The following UCHL5 variants were observed in gnomAD, a reference collection of about 807,000 sequenced individuals.
UCHL5 encodes the protein ubiquitin C-terminal hydrolase L5, also known as ubiquitin carboxyl-terminal hydrolase isozyme L5.
In UCHL5, 34 loss-of-function variants were observed where a neutral mutation model predicts 53.8. The ratio of observed to expected loss-of-function variants is 0.63; its 90% CI spans 0.48 to 0.84. UCHL5 has a LOEUF of 0.84. Ranked by LOEUF, UCHL5 falls within the 40% of genes least tolerant of loss-of-function variation. The probability of loss-of-function intolerance (pLI) is 0.00; values close to 1 mark genes in which losing one functional copy is unlikely to be tolerated. For synonymous variants in UCHL5, 111 were observed against 126.3 expected, an observed-to-expected ratio of 0.88 and a Z score of 0.81; for missense variants, 290 against 385.6, an observed-to-expected ratio of 0.75 and a Z score of 2.08.
chr1:193,027,579 G>C (rs186277626), intron 7 of UCHL5, among the ~76,000 whole-genome samples: 3 of 152,168 alleles, frequency 2.0e-5, no homozygotes, highest in East Asian at 3.9e-4. Context: ...CAGCTACTCG[G>C]GAAGCTGAGA....
In UCHL5 at chr1:193,013,035, G is replaced by A. The variant is rs899147788; in HGVS notation, c.*3316C>T. 4 of 152,044 alleles carry A rather than the reference G, an allele frequency of 2.6e-5. No homozygotes were observed. The highest frequency in any genetic ancestry group is 7.3e-5 in the African/African-American group (3 of 41,370). 9.4% of individuals were successfully genotyped at this position (152,044 alleles called of 1,614,324 possible). A position where few individuals can be genotyped will look rare whatever the true frequency, so the allele number is the denominator to read the frequency against. ...AGGAATTCATACTACTCTAAAAAAC[G>A]CAGTATCATTCTAAAAATATAACTA... On this transcript the variant is annotated 3_prime_UTR_variant, in exon 11 of 11. Coordinates refer to ENST00000367454, the MANE Select transcript of UCHL5 (RefSeq NM_001199261.3).
In UCHL5 at chr1:193,016,295, T is replaced by C. The variant is rs1332191618; in HGVS notation, c.*56A>G. ...GTTGCTCTAAGTTCTTTATACATAA[T>C]GGTTTCCATGAAAATATGTGCAGAA... is the stretch of plus-strand genomic sequence containing the variant. On this transcript the variant is annotated 3_prime_UTR_variant, in exon 11 of 11. Transcript: ENST00000367454. 2 of 1,588,180 alleles carry C rather than the reference T, an allele frequency of 1.3e-6. No individual in the cohort carries two copies. The highest frequency in any genetic ancestry group is 1.4e-5 in the African/African-American group (1 of 73,062).
At chr1:193,036,311 G>A (rs1193049366) in intron 3 of UCHL5, among the ~76,000 whole-genome samples, 3 of 106,690 alleles carry the variant, frequency 2.8e-5, no homozygotes, top group Admixed American at 1.0e-4. Context: ...CTGTGCAACT[G>A]GAAACCAAAA....
Position 193,037,628 on chromosome 1 carries a change from C to G in UCHL5, c.247-7971G>C, listed in dbSNP as rs561895724. Among the ~76,000 whole-genome samples the G allele has an allele frequency of 2.0e-5, 3 of 152,126 alleles. No homozygotes were observed. The East Asian group carries it at 5.8e-4, about 29-fold the overall frequency. On this transcript the variant is annotated intron_variant, in intron 3 of 10. Coordinates refer to ENST00000367454, the MANE Select transcript of UCHL5 (RefSeq NM_001199261.3). Reference sequence around the variant, plus strand: ...AAGGAATGCTTTCCAACCCATTCTACAAAATCAGCATTATTCTGATACCAA... The same window carrying G: ...AAGGAATGCTTTCCAACCCATTCTAGAAAATCAGCATTATTCTGATACCAA...
At chr1:193,027,816 T>C in intron 7 of UCHL5, 3 of 998,526 alleles carry the variant, frequency 3.0e-6, no homozygotes, top group Non-Finnish European at 4.3e-6. Context: ...CTTAAATGCA[T>C]TAACCCAATC....
intron 3 of UCHL5, among the ~76,000 whole-genome samples, chr1:193,031,298 C>G (rs1417149315): frequency 6.6e-6 from 1 of 152,106 alleles, no homozygotes; most frequent in Non-Finnish European, 1.5e-5. Flanking sequence ...CTTTCAAAAT[C>G]AAGACACCTT....
At chr1:193,030,351 ATCT>A (rs1270336515) in intron 3 of UCHL5, among the ~76,000 whole-genome samples, 1 of 152,174 alleles carries the variant, frequency 6.6e-6, no homozygotes, top group Non-Finnish European at 1.5e-5. Flanking sequence ...TACTATTATC[ATCT>A]TCATTTTAAA....
chr1:193,033,838 T>C (rs1452524059), intron 3 of UCHL5, among the ~76,000 whole-genome samples: 1 of 152,142 alleles, frequency 6.6e-6, no homozygotes, highest in Non-Finnish European at 1.5e-5. Flanking sequence ...TTTGAAAGCT[T>C]GGTAGGAACT....
rs748539516 is a variant in UCHL5 at position 193,021,085 on chromosome 1, T to C, written c.942+12A>G. On this transcript the variant is annotated intron_variant, in intron 10 of 10. Transcript: ENST00000367454. ...TAAACTTAATTTAAGTATCTACCAA[T>C]AAAATACTTACCTTTTCTACTAGTG... The C allele has an allele frequency of 1.3e-6, 2 of 1,547,216 alleles. No individual in the cohort carries two copies. Among genetic ancestry groups the C allele is most frequent in the East Asian group, 2.3e-5 (1 of 44,398 alleles).
chr1:193,019,758 C>A (rs1462923923), intron 10 of UCHL5: 1 of 640,108 alleles, frequency 1.6e-6, no homozygotes, highest in Non-Finnish European at 1.9e-6. Context: ...AAAAATCAAA[C>A]AACAGTGGTT....
At chr1:193,045,547 T>A (rs1667081071) in intron 3 of UCHL5, among the ~76,000 whole-genome samples, 1 of 152,160 alleles carries the variant, frequency 6.6e-6, no homozygotes, top group South Asian at 2.1e-4. Flanking sequence ...AGTAAAAGCT[T>A]CCTGAGGCCT....
At chr1:193,054,886 AGT>A (rs1337870559) in intron 1 of UCHL5, among the ~76,000 whole-genome samples, 1 of 152,212 alleles carries the variant, frequency 6.6e-6, no homozygotes, top group Non-Finnish European at 1.5e-5. Context: ...GACAAGGTGG[AGT>A]CTGCAAAATC....
In UCHL5 at chr1:193,051,834, T is replaced by G; in HGVS notation, c.77-17A>C. On this transcript the variant is annotated splice_polypyrimidine_tract_variant and intron_variant, in intron 1 of 10. Coordinates refer to ENST00000367454, the MANE Select transcript of UCHL5 (RefSeq NM_001199261.3). ...CTCGGCAACCTGAAATAATAAATTA[T>G]TTTCTTCAGTAAACAGGATAATTCA... The G allele has an allele frequency of 6.4e-7, 1 of 1,565,294 alleles. No homozygotes were observed. Among genetic ancestry groups the G allele is most frequent in the Non-Finnish European group, 8.7e-7 (1 of 1,147,298 alleles).
chr1:193,023,798 A>C, intron 8 of UCHL5, 46 bp downstream of exon 8: 1 of 1,408,748 alleles, frequency 7.1e-7, no homozygotes, highest in East Asian at 2.3e-5. Context: ...TTTTCCTGAG[A>C]GAATAACCAA....
In UCHL5 at chr1:193,023,063, C is replaced by A. The variant is rs757504908; in HGVS notation, c.733-27G>T. ...TCCTTGGGGGAAGGAAAAGAAATAG[C>A]ACACCCTAATAATTGAGGCTTACAT... On this transcript the variant is annotated intron_variant, in intron 8 of 10. Transcript: ENST00000367454. The A allele has an allele frequency of 2.1e-6, 3 of 1,452,908 alleles. No individual in the cohort carries two copies. The South Asian group carries it at 3.5e-5, about 17-fold the overall frequency. 90.0% of individuals were successfully genotyped at this position (1,452,908 alleles called of 1,614,324 possible). A position where few individuals can be genotyped will look rare whatever the true frequency, so the allele number is the denominator to read the frequency against.
chr1:193,024,918 T>C (rs1247362062), intron 7 of UCHL5, among the ~76,000 whole-genome samples: 1 of 152,184 alleles, frequency 6.6e-6, no homozygotes, highest in East Asian at 1.9e-4. Context: ...GGGACTTCCA[T>C]GTCCCTATCC....
intron 2 of UCHL5, among the ~76,000 whole-genome samples, chr1:193,050,584 C>CA (rs1186159389): frequency 6.6e-6 from 1 of 151,512 alleles, no homozygotes; most frequent in Non-Finnish European, 1.5e-5. Context: ...AAAACAAAAA[C>CA]AAAACAAAAA....
intron 3 of UCHL5, among the ~76,000 whole-genome samples, chr1:193,042,973 C>T (rs1426705678): frequency 1.3e-5 from 2 of 151,834 alleles, no homozygotes; most frequent in Middle Eastern, 3.2e-3. Context: ...GTGACACAGG[C>T]AAATTCTATA....
At chr1:193,041,820 T>C (rs1388057253) in intron 3 of UCHL5, among the ~76,000 whole-genome samples, 1 of 152,098 alleles carries the variant, frequency 6.6e-6, no homozygotes, top group East Asian at 1.9e-4. Context: ...CTTAACAATA[T>C]AATATTAAGT....
Sources: gnomAD v4.1 joint callset for allele counts (sites outside exome capture counted in the v4.1 genomes callset) on GRCh38, gnomAD v4.1.1 for gene constraint, MANE v1.5 for transcripts, NCBI Gene and HGNC (gene_info 2026-07-23, HGNC 2026-07-21) for gene names.